Variants in SAMM50 observed in about 807,000 individuals in gnomAD.
SAMM50 encodes the protein sorting and assembly machinery component 50 homolog.
A neutral mutation model predicts 66.9 loss-of-function variants in SAMM50; 47 were observed. The observed-to-expected ratio is 0.70, with a 90% confidence interval of 0.56 to 0.90. The LOEUF (loss-of-function observed/expected upper bound fraction) is 0.90. Among genes scored for constraint, SAMM50 ranks in the 40% least tolerant of loss-of-function variants. SAMM50 has a pLI of 0.00. For synonymous variants in SAMM50, 191 were observed against 214.1 expected (o/e 0.89, Z 0.94); for missense variants, 535 against 595.3 (o/e 0.90, Z 1.05).
chr22:43,955,573 G>C lies in SAMM50; in HGVS notation c.-5G>C. On this transcript the variant is annotated 5_prime_UTR_variant, in exon 1 of 15. Transcript: ENST00000350028. ...CTCTGCGAGGCAGCGGCTGGAGAGG[G>C]AACCATGGGGACTGTGCACGCCCGG... 6.2e-7 allele frequency: 1 copy of C among 1,600,948 alleles called. No individual in the cohort carries two copies. Among genetic ancestry groups the C allele is most frequent in the East Asian group, 2.3e-5 (1 of 44,430 alleles).
intron 12 of SAMM50, among the ~76,000 whole-genome samples, chr22:43,984,842 G>T (rs1018596104): frequency 6.6e-6 from 1 of 151,830 alleles, no homozygotes; most frequent in African/African-American, 2.4e-5. Context: ...ATGTTGGCCA[G>T]ACTGGTCTTG....
At chr22:43,986,786 C>G (rs962485191) in intron 12 of SAMM50, 2 of 152,138 alleles carry the variant, frequency 1.3e-5, no homozygotes, top group East Asian at 1.9e-4. Flanking sequence ...CTCCTGACTT[C>G]AGGTGATCTG....
intron 9 of SAMM50, among the ~76,000 whole-genome samples, chr22:43,977,134 C>T (rs1186859924): frequency 6.6e-6 from 1 of 152,144 alleles, no homozygotes; most frequent in Non-Finnish European, 1.5e-5. Context: ...AGAGAGTGTC[C>T]GAAGGCAGGG....
At chr22:43,991,760 T>C (rs1437573488) in intron 14 of SAMM50, among the ~76,000 whole-genome samples, 1 of 152,228 alleles carries the variant, frequency 6.6e-6, no homozygotes, top group Non-Finnish European at 1.5e-5. Flanking sequence ...TTGGGTTCTC[T>C]TCTTGGCTCG....
At chr22:43,996,281 T>G (rs1259502627) in intron 14 of SAMM50, 57 bp from the exon 15 acceptor site, 1 of 1,588,218 alleles carries the variant, frequency 6.3e-7, no homozygotes, top group Non-Finnish European at 8.6e-7. Flanking sequence ...CAGTGAGTCG[T>G]GAAGATGGCA....
intron 1 of SAMM50, among the ~76,000 whole-genome samples, chr22:43,958,094 T>G (rs1159380419): frequency 6.6e-6 from 1 of 152,198 alleles, no homozygotes; most frequent in African/African-American, 2.4e-5. Flanking sequence ...ATGGCTTTAT[T>G]TGGACCGCAC....
chr22:43,964,923 G>C (rs2050165577), intron 3 of SAMM50, among the ~76,000 whole-genome samples: 1 of 152,076 alleles, frequency 6.6e-6, no homozygotes, highest in African/African-American at 2.4e-5. Context: ...CCGTGGGGTG[G>C]GCGCTTATCT....
At chr22:43,992,195 G>A (rs949531667) in intron 14 of SAMM50, among the ~76,000 whole-genome samples, 9 of 152,208 alleles carry the variant, frequency 5.9e-5, no homozygotes, top group African/African-American at 1.9e-4. Context: ...TCCGTCTTCC[G>A]CATCAGCATG....
Position 43,968,734 on chromosome 22 carries a change from A to G in SAMM50, c.238A>G (p.Met80Val), listed in dbSNP as rs2050187686. Residue 80 changes from methionine (M) to valine (V), a missense_variant, in exon 4 of 15, where the codon ATG becomes GTG. Coordinates refer to ENST00000350028, the MANE Select transcript of SAMM50 (RefSeq NM_015380.5). ...VFKAKNLIEV[M>V]RKSHEAREKL... is the part of the protein sequence containing the mutation. ...TTTTTCTTCCCCCATTTTATAGGTA[A>G]TGCGGAAATCTCATGAAGCCCGTGA... 1 of 1,608,332 alleles carries G rather than the reference A, an allele frequency of 6.2e-7. No individual in the cohort carries two copies. The highest frequency in any genetic ancestry group is 8.5e-7 in the Non-Finnish European group (1 of 1,174,780).
intron 12 of SAMM50, 37 bp downstream of exon 12, chr22:43,984,037 G>C: frequency 1.9e-6 from 3 of 1,571,794 alleles, no homozygotes; most frequent in South Asian, 1.2e-5. Flanking sequence ...AGTCTAGAAG[G>C]CTCGCGTCTC....
In SAMM50 at chr22:43,968,735, T is replaced by C. The variant is rs761534315; in HGVS notation, c.239T>C (p.Met80Thr). The C allele has an allele frequency of 1.8e-5, 29 of 1,608,768 alleles. No individual in the cohort carries two copies. In the East Asian group the frequency reaches 5.3e-4, roughly 30 times the overall value. Reference protein sequence around the residue: ...VFKAKNLIEVMRKSHEAREKL... With the variant: ...VFKAKNLIEVTRKSHEAREKL... ...TTTTCTTCCCCCATTTTATAGGTAATGCGGAAATCTCATGAAGCCCGTGAA... is the reference window on the plus strand; with the variant it reads ...TTTTCTTCCCCCATTTTATAGGTAACGCGGAAATCTCATGAAGCCCGTGAA... Residue 80 changes from methionine to threonine, a missense_variant, in exon 4 of 15, where the codon ATG (methionine) becomes ACG (threonine). Met to Thr is a moderately conservative substitution (Grantham distance 81, BLOSUM62 -1). Transcript: ENST00000350028.
intron 1 of SAMM50, among the ~76,000 whole-genome samples, chr22:43,957,599 T>C (rs1160832664): frequency 1.3e-5 from 2 of 152,144 alleles, no homozygotes; most frequent in Non-Finnish European, 2.9e-5. Context: ...ATTTTTGTAT[T>C]TTTAGTAGAG....
chr22:43,981,317 A>G lies in SAMM50; in HGVS notation c.937-74A>G, dbSNP rs780065255. 232 of 1,153,050 alleles carry G rather than the reference A, an allele frequency of 2.0e-4. 1 individual carries two copies. The highest frequency in any genetic ancestry group is 3.0e-4 in the Non-Finnish European group (229 of 761,994). 71.4% of individuals were successfully genotyped at this position (1,153,050 alleles called of 1,614,324 possible). ...CGCCACGGGCATTCAGTGTGTGGCC[A>G]GTTGCTAGTTGCTGATGTTCCTGGA... On this transcript the variant is annotated intron_variant, in intron 10 of 14. Transcript: ENST00000350028.
At chr22:43,959,104 T>A (rs1049510497) in intron 1 of SAMM50, among the ~76,000 whole-genome samples, 1 of 151,072 alleles carries the variant, frequency 6.6e-6, no homozygotes, top group Non-Finnish European at 1.5e-5. Flanking sequence ...CTGCAACTTC[T>A]GCCTCCTGGG....
intron 10 of SAMM50, among the ~76,000 whole-genome samples, chr22:43,979,395 C>A (rs2235775): frequency 0.41 from 62,223 of 152,084 alleles, 14,663 homozygotes; most frequent in African/African-American, 0.65. Flanking sequence ...CTGGGCTCCC[C>A]ATCCACTGAC....
intron 1 of SAMM50, among the ~76,000 whole-genome samples, chr22:43,956,206 T>C (rs1485096612): frequency 6.6e-6 from 1 of 152,194 alleles, no homozygotes; most frequent in Non-Finnish European, 1.5e-5. Context: ...GTTGCCAAAC[T>C]CCTCTCGTTT....
At chr22:43,967,276 G>A (rs1304157795) in intron 3 of SAMM50, among the ~76,000 whole-genome samples, 2 of 152,182 alleles carry the variant, frequency 1.3e-5, no homozygotes, top group African/African-American at 4.8e-5. Flanking sequence ...CCGACTCATC[G>A]TTTCCTCATG....
intron 3 of SAMM50, among the ~76,000 whole-genome samples, chr22:43,966,363 T>G (rs1713301839): frequency 6.9e-6 from 1 of 145,732 alleles, no homozygotes; most frequent in Non-Finnish European, 1.5e-5. Context: ...GTCCACTGTC[T>G]TTTTTTTTTT....
intron 1 of SAMM50, 59 bp downstream of exon 1, chr22:43,955,657 G>C: frequency 1.3e-6 from 2 of 1,518,262 alleles, no homozygotes; most frequent in South Asian, 1.2e-5. Flanking sequence ...GCAGACGGGC[G>C]CCGCGGGGAG....
Sources: allele counts gnomAD v4.1 joint callset (sites outside exome capture counted in the v4.1 genomes callset), GRCh38; gene constraint gnomAD v4.1.1; transcripts MANE v1.5; gene names NCBI Gene and HGNC (gene_info 2026-07-23, HGNC 2026-07-21).